Variants in ADK observed in about 807,000 individuals in gnomAD.
ADK encodes the protein N6,N6-dimethyladenosine kinase.
In ADK, 24 loss-of-function variants were observed where a neutral mutation model predicts 44.7. That is an observed-to-expected ratio of 0.54 (90% confidence interval 0.39 to 0.76). The LOEUF is 0.76. Among genes scored for constraint, ADK ranks in the 30% least tolerant of loss-of-function variants. ADK has a pLI of 0.00. For missense variants in ADK, 321 were observed against 425.1 expected, an observed-to-expected ratio of 0.76 and a Z score of 2.15; for synonymous variants, 128 against 142.6, an observed-to-expected ratio of 0.90 and a Z score of 0.73.
chr10:74,543,081 T>C (rs1314693710), intron 7 of ADK, among the ~76,000 whole-genome samples: 1 of 151,988 alleles, frequency 6.6e-6, no homozygotes, highest in East Asian at 1.9e-4. Flanking sequence ...TTTGTATTTT[T>C]AGTAAAGACG....
chr10:74,176,396 T>A (rs117588113), intron 1 of ADK: 19,854 of 967,788 alleles, frequency 0.021, 240 homozygotes, highest in Non-Finnish European at 0.023. Flanking sequence ...AGACCTGCCC[T>A]GACAGCGCCT....
At chr10:74,189,726 C>T (rs1437043579) in intron 1 of ADK, among the ~76,000 whole-genome samples, 1 of 152,152 alleles carries the variant, frequency 6.6e-6, no homozygotes, top group African/African-American at 2.4e-5. Context: ...AAAATGAAAA[C>T]CCATACCCGT....
chr10:74,276,322 C>T (rs1170317048), intron 3 of ADK, among the ~76,000 whole-genome samples: 1 of 152,084 alleles, frequency 6.6e-6, no homozygotes, highest in African/African-American at 2.4e-5. Flanking sequence ...ACCCATATTC[C>T]CAGTAAAGCT....
At chr10:74,335,336 A>G (rs1189698838) in intron 4 of ADK, among the ~76,000 whole-genome samples, 1 of 152,140 alleles carries the variant, frequency 6.6e-6, no homozygotes, top group Non-Finnish European at 1.5e-5. Flanking sequence ...CTCCTGAGGT[A>G]CTGATACACA....
At chr10:74,270,315 C>A (rs1846379549) in intron 3 of ADK, among the ~76,000 whole-genome samples, 1 of 152,108 alleles carries the variant, frequency 6.6e-6, no homozygotes. Context: ...TATTTGCTAG[C>A]ATAAACACAT....
chr10:74,277,691 G>A (rs1046041701), intron 3 of ADK, among the ~76,000 whole-genome samples: 5 of 152,052 alleles, frequency 3.3e-5, no homozygotes, highest in African/African-American at 1.2e-4. Context: ...GAGCCACCGC[G>A]CCCAGCTAAA....
At chr10:74,492,950 A>G (rs549041684) in intron 6 of ADK, among the ~76,000 whole-genome samples, 15 of 152,200 alleles carry the variant, frequency 9.9e-5, no homozygotes, top group Admixed American at 3.3e-4. Context: ...TAACTATCCT[A>G]TTTCTCATTA....
intron 6 of ADK, among the ~76,000 whole-genome samples, chr10:74,472,037 A>G (rs1401242649): frequency 6.6e-6 from 1 of 151,798 alleles, no homozygotes; most frequent in Non-Finnish European, 1.5e-5. Flanking sequence ...ACTGCTCTGG[A>G]TACAACTTCC....
chr10:74,161,450 C>G (rs1467482973), intron 1 of ADK, among the ~76,000 whole-genome samples: 1 of 152,198 alleles, frequency 6.6e-6, no homozygotes, highest in Non-Finnish European at 1.5e-5. Context: ...ATCTCGTGAT[C>G]TACCTGCCTC....
intron 3 of ADK, among the ~76,000 whole-genome samples, chr10:74,280,071 C>G (rs753562855): frequency 2.0e-5 from 3 of 152,106 alleles, no homozygotes; most frequent in Non-Finnish European, 4.4e-5. Context: ...TGTAAAATGT[C>G]TGTTCATATC....
chr10:74,454,907 A>T (rs1845889948), intron 6 of ADK, among the ~76,000 whole-genome samples: 1 of 152,180 alleles, frequency 6.6e-6, no homozygotes, highest in Admixed American at 6.5e-5. Context: ...CATTCACATA[A>T]GGGTCTTGTG....
intron 3 of ADK, among the ~76,000 whole-genome samples, chr10:74,232,701 C>T (rs1203318467): frequency 1.3e-5 from 2 of 152,138 alleles, no homozygotes; most frequent in African/African-American, 2.4e-5. Flanking sequence ...TCTTAGCTCA[C>T]TGCAAGCTCC....
intron 3 of ADK, among the ~76,000 whole-genome samples, chr10:74,286,906 C>G (rs555216761): frequency 6.6e-6 from 1 of 152,068 alleles, no homozygotes; most frequent in Admixed American, 6.6e-5. Context: ...AGGCTTGTCT[C>G]GAACCCCTGG....
chr10:74,628,529 G>A (rs1853298968), intron 9 of ADK, among the ~76,000 whole-genome samples: 1 of 151,406 alleles, frequency 6.6e-6, no homozygotes, highest in African/African-American at 2.4e-5. Context: ...CGTCTCACCT[G>A]GATTAAGTTT....
At chr10:74,474,445 C>CT (rs1554864765) in intron 6 of ADK, among the ~76,000 whole-genome samples, 1 of 151,764 alleles carries the variant, frequency 6.6e-6, no homozygotes, top group African/African-American at 2.4e-5. Context: ...TCTTTTCTTT[C>CT]TTTCTTTTCT....
chr10:74,310,630 A>G (rs1427370238), intron 3 of ADK, among the ~76,000 whole-genome samples: 1 of 152,142 alleles, frequency 6.6e-6, no homozygotes, highest in Non-Finnish European at 1.5e-5. Context: ...GTCCAGTGTT[A>G]TCATCATTTT....
intron 5 of ADK, among the ~76,000 whole-genome samples, chr10:74,397,280 A>G (rs960363122): frequency 2.6e-5 from 4 of 151,474 alleles, no homozygotes; most frequent in African/African-American, 9.7e-5. Context: ...ATGAGTGGAA[A>G]TACGTTTTGG....
intron 3 of ADK, among the ~76,000 whole-genome samples, chr10:74,312,833 G>A (rs1840484847): frequency 1.4e-5 from 2 of 140,494 alleles, no homozygotes; most frequent in South Asian, 2.3e-4. Context: ...AGGATCCCTT[G>A]AGCCCAGGAG....
At chr10:74,206,608 A>G (rs6480723) in intron 2 of ADK, among the ~76,000 whole-genome samples, 31,494 of 152,154 alleles carry the variant, frequency 0.21, 4,426 homozygotes, top group African/African-American at 0.4. Flanking sequence ...GACCCAATTT[A>G]TATGATTAGC....
Sources: allele counts gnomAD v4.1 joint callset (sites outside exome capture counted in the v4.1 genomes callset), GRCh38; gene constraint gnomAD v4.1.1; transcripts MANE v1.5; gene names NCBI Gene and HGNC (gene_info 2026-07-23, HGNC 2026-07-21).